Variants in GRID2 observed in about 807,000 individuals in gnomAD.
The protein encoded by GRID2 is glutamate receptor ionotropic, delta-2.
GRID2 carries 33 observed loss-of-function variants against 114.8 expected under a neutral mutation model. The ratio of observed to expected loss-of-function variants is 0.29; its 90% CI spans 0.22 to 0.38. The LOEUF (loss-of-function observed/expected upper bound fraction) is 0.38, where lower values mean the gene tolerates loss of function less well. Among genes scored for constraint, GRID2 ranks in the 10% least tolerant of loss-of-function variants. GRID2 has a pLI of 1.00. For synonymous variants in GRID2, 505 were observed against 449.9 expected, an observed-to-expected ratio of 1.12 and a Z score of -1.55; for missense variants, 1,184 against 1,257.7, an observed-to-expected ratio of 0.94 and a Z score of 0.89.
At chr4:92,945,436 C>G (rs965150302) in intron 2 of GRID2, among the ~76,000 whole-genome samples, 6 of 151,940 alleles carry the variant, frequency 3.9e-5, no homozygotes, top group South Asian at 2.1e-4. Context: ...TTTTGCTGCT[C>G]TAGAAAGTCT....
At chr4:92,956,461 A>G (rs962878300) in intron 2 of GRID2, among the ~76,000 whole-genome samples, 1 of 152,204 alleles carries the variant, frequency 6.6e-6, no homozygotes, top group Non-Finnish European at 1.5e-5. Context: ...AGAATGTGAT[A>G]TACTCATTTA....
At chr4:93,616,627 A>C (rs1042087415) in intron 13 of GRID2, among the ~76,000 whole-genome samples, 1 of 112,634 alleles carries the variant, frequency 8.9e-6, no homozygotes, top group African/African-American at 5.9e-5. Flanking sequence ...AATAAATATA[A>C]AAAAAAGTTT....
intron 13 of GRID2, among the ~76,000 whole-genome samples, chr4:93,526,914 A>T (rs1007122042): frequency 6.6e-6 from 1 of 152,232 alleles, no homozygotes; most frequent in Non-Finnish European, 1.5e-5. Flanking sequence ...TTTAATTTCC[A>T]TTTTGACTTT....
At position 92,943,785 on chromosome 4, in the gene GRID2, G is replaced by T. The variant is rs564411695; in HGVS notation, c.245-141210G>T. Among the ~76,000 whole-genome samples, 4 of 152,198 alleles carry T rather than the reference G, an allele frequency of 2.6e-5. No homozygotes were observed. The East Asian group carries it at 7.7e-4, about 29-fold the overall frequency. On this transcript the variant is annotated intron_variant, in intron 2 of 15. Transcript: ENST00000282020. ...GTGGATGTCATTTTTGTTTGTTAGTGTTCCTTCTAACAGTCAGGACCCTCA... is the reference window on the plus strand; with the variant it reads ...GTGGATGTCATTTTTGTTTGTTAGTTTTCCTTCTAACAGTCAGGACCCTCA...
chr4:92,806,878 C>A (rs1444090624), intron 2 of GRID2, among the ~76,000 whole-genome samples: 1 of 151,660 alleles, frequency 6.6e-6, no homozygotes, highest in African/African-American at 2.4e-5. Context: ...AGGCAGAGGG[C>A]AGAGGTGAAG....
chr4:93,780,091 G>T (rs753181570), intron 1 of GRID2, among the ~76,000 whole-genome samples: 6 of 152,164 alleles, frequency 3.9e-5, no homozygotes, highest in Non-Finnish European at 7.3e-5. Context: ...AGTAAGTGAA[G>T]GATTAGTCTA....
chr4:93,337,085 C>T (rs1390115064), intron 8 of GRID2, among the ~76,000 whole-genome samples: 1 of 151,974 alleles, frequency 6.6e-6, no homozygotes, highest in East Asian at 1.9e-4. Context: ...TGTTAAGCCA[C>T]AATTCTTGTA....
At chr4:92,814,218 T>A (rs901318079) in intron 2 of GRID2, among the ~76,000 whole-genome samples, 1 of 152,156 alleles carries the variant, frequency 6.6e-6, no homozygotes, top group African/African-American at 2.4e-5. Context: ...TTGATGTATG[T>A]GGTAGTCAGA....
chr4:92,321,479 G>GT (rs938499358), intron 1 of GRID2, among the ~76,000 whole-genome samples: 14 of 152,124 alleles, frequency 9.2e-5, no homozygotes, highest in Non-Finnish European at 1.8e-4. Flanking sequence ...TTTTCAGCAT[G>GT]TTTTTTCTAA....
intron 11 of GRID2, among the ~76,000 whole-genome samples, chr4:93,461,524 TCAGA>T (rs1310875776): frequency 6.6e-6 from 1 of 152,084 alleles, no homozygotes; most frequent in African/African-American, 2.4e-5. Flanking sequence ...TCATGTGTTA[TCAGA>T]CAGATTTCTA....
chr4:92,415,170 A>G (rs1191220297), intron 1 of GRID2, among the ~76,000 whole-genome samples: 1 of 152,110 alleles, frequency 6.6e-6, no homozygotes, highest in Non-Finnish European at 1.5e-5. Context: ...TTACTGATAT[A>G]TCTTAACAGA....
chr4:92,684,557 T>C (rs1208507537), intron 2 of GRID2, among the ~76,000 whole-genome samples: 1 of 152,056 alleles, frequency 6.6e-6, no homozygotes, highest in African/African-American at 2.4e-5. Context: ...ATTTGTGAAT[T>C]ACAATGATCA....
At chr4:93,231,004 A>G (rs146248390) in intron 7 of GRID2, among the ~76,000 whole-genome samples, 1,861 of 152,208 alleles carry the variant, frequency 0.012, 10 homozygotes, top group Middle Eastern at 0.02. Context: ...CTATATAAAT[A>G]TAATCAATAA....
chr4:92,530,915 G>A (rs11736155), intron 1 of GRID2, among the ~76,000 whole-genome samples: 7,339 of 151,598 alleles, frequency 0.048, 222 homozygotes, highest in East Asian at 0.13. Flanking sequence ...TTGGCGGGGG[G>A]GGAGAAAGAG....
At chr4:93,370,410 C>T (rs538962107) in intron 8 of GRID2, among the ~76,000 whole-genome samples, 1 of 150,674 alleles carries the variant, frequency 6.6e-6, no homozygotes, top group Non-Finnish European at 1.5e-5. Flanking sequence ...AACACACACA[C>T]ACAAACACAC....
chr4:92,620,573 G>A (rs888656990), intron 2 of GRID2, among the ~76,000 whole-genome samples: 4 of 151,570 alleles, frequency 2.6e-5, no homozygotes, highest in African/African-American at 4.8e-5. Context: ...GACAGATATA[G>A]GGAAATAATT....
chr4:93,479,510 G>A (rs1388025718), intron 11 of GRID2, among the ~76,000 whole-genome samples: 1 of 152,044 alleles, frequency 6.6e-6, no homozygotes, highest in Non-Finnish European at 1.5e-5. Flanking sequence ...GAAACACTAA[G>A]AAAAGCCTCA....
intron 1 of GRID2, among the ~76,000 whole-genome samples, chr4:92,437,166 G>C (rs1402209392): frequency 6.6e-6 from 1 of 152,158 alleles, no homozygotes; most frequent in African/African-American, 2.4e-5. Context: ...TAAATTGTAA[G>C]ATTCTTTAAA....
Position 92,431,224 on chromosome 4 carries a change from G to T in GRID2, c.88+126480G>T, listed in dbSNP as rs188420621. Among the ~76,000 whole-genome samples, 1,099 of 152,246 alleles carry T rather than the reference G, an allele frequency of 7.2e-3. 6 individuals are homozygous for T. Among genetic ancestry groups the T allele is most frequent in the Non-Finnish European group, 0.011 (779 of 68,004 alleles). ...GCTTTAGATTTTTCTCATTCAATTT[G>T]ATACTAGCTGTGGATTTGTCATATA... On this transcript the variant is annotated intron_variant, in intron 1 of 15. Coordinates refer to ENST00000282020, the MANE Select transcript of GRID2 (RefSeq NM_001510.4).
Sources: allele counts gnomAD v4.1 joint callset (sites outside exome capture counted in the v4.1 genomes callset), GRCh38; gene constraint gnomAD v4.1.1; transcripts MANE v1.5; gene names NCBI Gene and HGNC (gene_info 2026-07-23, HGNC 2026-07-21).